P2RX5: variants seen among roughly 807,000 people sequenced by gnomAD.
P2RX5 encodes P2X purinoceptor 5.
In P2RX5, 46 loss-of-function variants were observed where a neutral mutation model predicts 54.1. The ratio of observed to expected loss-of-function variants is 0.85; its 90% CI spans 0.67 to 1.09. P2RX5 has a LOEUF of 1.09. P2RX5 is among the 50% of genes least tolerant of loss of function. The pLI is 0.00. For missense variants in P2RX5, 566 were observed against 549.8 expected, an observed-to-expected ratio of 1.03 and a Z score of -0.29; for synonymous variants, 226 against 226.4, an observed-to-expected ratio of 1.00 and a Z score of 0.02.
upstream of P2RX5, among the ~76,000 whole-genome samples, chr17:3,700,003 T>G (rs1053106737): frequency 6.6e-6 from 1 of 151,778 alleles, no homozygotes; most frequent in Non-Finnish European, 1.5e-5. Flanking sequence ...GAAGTATTGG[T>G]GTTATGTGAA....
upstream of P2RX5, among the ~76,000 whole-genome samples, chr17:3,700,208 G>A (rs2050808798): frequency 6.6e-6 from 1 of 152,170 alleles, no homozygotes; most frequent in African/African-American, 2.4e-5. Flanking sequence ...GTGGGGAGAT[G>A]AGGACTTTGC....
chr17:3,720,043 T>A, the P2RX5 span, among the ~76,000 whole-genome samples: 3 of 152,150 alleles, frequency 2.0e-5, no homozygotes, highest in South Asian at 2.1e-4. Flanking sequence ...TTTTTTTTTT[T>A]AATCAATCCA....
At chr17:3,700,810 C>G (rs2050811572), upstream of P2RX5, among the ~76,000 whole-genome samples, 1 of 152,144 alleles carries the variant, frequency 6.6e-6, no homozygotes, top group South Asian at 2.1e-4. Flanking sequence ...TTAAAAGAAC[C>G]TGGTACCTCC....
intron 1 of P2RX5, chr17:3,692,141 C>CAAAA (rs11419514): frequency 4.9e-5 from 7 of 143,422 alleles, no homozygotes; most frequent in Admixed American, 2.1e-4. Context: ...TGTCTCTACT[C>CAAAA]AAAAAAAAAA....
At chr17:3,723,274 T>C in the P2RX5 span, 6 of 1,557,266 alleles carry the variant, frequency 3.9e-6, no homozygotes, top group Non-Finnish European at 5.3e-6. Context: ...CTGGAGCATT[T>C]CAGTCTCAAA....
chr17:3,699,082 C>T (rs1459040031), upstream of P2RX5, among the ~76,000 whole-genome samples: 217 of 123,254 alleles, frequency 1.8e-3, 4 homozygotes, highest in Non-Finnish European at 2.8e-3. Context: ...CACACACACA[C>T]ACACACACAC....
the P2RX5 span, chr17:3,720,672 C>T: frequency 7.7e-6 from 2 of 258,504 alleles, no homozygotes; most frequent in East Asian, 1.0e-4. Context: ...ACCTCCACCC[C>T]GTCAGGTTCA....
At chr17:3,704,141 A>C in the P2RX5 span, among the ~76,000 whole-genome samples, 1 of 152,050 alleles carries the variant, frequency 6.6e-6, no homozygotes, top group African/African-American at 2.4e-5. Flanking sequence ...ACCACACAAA[A>C]CCCAAATCCC....
At position 3,679,604 on chromosome 17, in the gene P2RX5, G is replaced by A; in HGVS notation, c.1245C>T (p.Leu415=). ...AGTGGCCTCACCTGTGGGGCTCCAG[G>A]AGCTGTGGGCACACAGATCCGTTCC... ...QKGNGSVCPQ[L]LEPHRST Residue 415 remains leucine, a synonymous_variant, in exon 11 of 12, where the codon CTC becomes CTT. Transcript: ENST00000225328. 1 of 1,607,578 alleles carries A rather than the reference G, an allele frequency of 6.2e-7. No individual in the cohort carries two copies. The highest frequency in any genetic ancestry group is 8.5e-7 in the Non-Finnish European group (1 of 1,179,810).
At chr17:3,719,688 A>G in the P2RX5 span, among the ~76,000 whole-genome samples, 1 of 152,198 alleles carries the variant, frequency 6.6e-6, no homozygotes, top group African/African-American at 2.4e-5. Flanking sequence ...CAGTTACTGG[A>G]TACAAAAAAC....
chr17:3,714,209 G>A, the P2RX5 span, among the ~76,000 whole-genome samples: 1 of 151,416 alleles, frequency 6.6e-6, no homozygotes. Context: ...TTACAGGCGT[G>A]AGCCACCGCA....
chr17:3,713,402 T>A, the P2RX5 span, among the ~76,000 whole-genome samples: 6 of 152,158 alleles, frequency 3.9e-5, no homozygotes, highest in African/African-American at 1.4e-4. Flanking sequence ...TAAGTCTTTA[T>A]AAATTAAGAC....
chr17:3,677,904 T>A, intron 11 of P2RX5: 1 of 985,250 alleles, frequency 1.0e-6, no homozygotes, highest in Non-Finnish European at 1.2e-6. Flanking sequence ...ATTGGGAGGC[T>A]CCCCTCCTCA....
At chr17:3,713,038 A>C in the P2RX5 span, among the ~76,000 whole-genome samples, 1 of 152,056 alleles carries the variant, frequency 6.6e-6, no homozygotes, top group Non-Finnish European at 1.5e-5. Flanking sequence ...CAGTCGGGGG[A>C]AAAAACGGTA....
At chr17:3,676,371 G>A (rs1283373623) in intron 11 of P2RX5, 1 of 985,322 alleles carries the variant, frequency 1.0e-6, no homozygotes, top group African/African-American at 1.7e-5. Flanking sequence ...GGCAAAATCA[G>A]GGAGCCTCCT....
the P2RX5 span, among the ~76,000 whole-genome samples, chr17:3,703,087 C>G: frequency 4.6e-5 from 7 of 152,158 alleles, no homozygotes; most frequent in African/African-American, 1.4e-4. Flanking sequence ...TGCCTCTGAT[C>G]CCAAGCTTTC....
rs1011764052 is a variant in P2RX5, at chr17:3,684,138, C to T, written c.982-2160G>A. Among the ~76,000 whole-genome samples, 9 of 152,254 alleles carry T rather than the reference C, an allele frequency of 5.9e-5. No homozygotes were observed. In the East Asian group the frequency reaches 7.7e-4, roughly 13 times the overall value. On this transcript the variant is annotated intron_variant, in intron 9 of 11. Coordinates refer to ENST00000225328, the MANE Select transcript of P2RX5 (RefSeq NM_002561.4). ...TCCCTGTGTCTCCTCCCCTGTGAGC[C>T]GCTCCCGGCCCCACTGAAGGGCCAC...
chr17:3,714,882 G>C, the P2RX5 span: 3 of 1,611,024 alleles, frequency 1.9e-6, no homozygotes. Context: ...TCTGATTTCA[G>C]CTGGGCCTTC....
the P2RX5 span, chr17:3,721,847 A>C: frequency 1.3e-5 from 2 of 151,770 alleles, no homozygotes; most frequent in Non-Finnish European, 2.9e-5. Context: ...GGAGTTCAAG[A>C]CCAGCCTGAC....
Sources: allele counts gnomAD v4.1 joint callset (sites outside exome capture counted in the v4.1 genomes callset), GRCh38; gene constraint gnomAD v4.1.1; transcripts MANE v1.5; gene names NCBI Gene and HGNC (gene_info 2026-07-23, HGNC 2026-07-21).